The following NELL1 variants were observed in gnomAD, a reference collection of about 807,000 sequenced individuals.
The protein encoded by NELL1 is protein kinase C-binding protein NELL1.
Under a neutral mutation model 107.4 loss-of-function variants are expected in NELL1, and 76 were observed. The ratio of observed to expected loss-of-function variants is 0.71; its 90% CI spans 0.59 to 0.86. The LOEUF is 0.86. Among genes scored for constraint, NELL1 ranks in the 40% least tolerant of loss-of-function variants. The pLI, the probability that NELL1 is intolerant of heterozygous loss-of-function variation, is 0.00. For synonymous variants in NELL1, 353 were observed against 341.2 expected, an observed-to-expected ratio of 1.03 and a Z score of -0.38; for missense variants, 1,024 against 1,005.5, an observed-to-expected ratio of 1.02 and a Z score of -0.25.
intron 16 of NELL1, among the ~76,000 whole-genome samples, chr11:21,547,152 T>C (rs1856463117): frequency 6.6e-6 from 1 of 151,364 alleles, no homozygotes; most frequent in African/African-American, 2.4e-5. Context: ...TCTCATGGAG[T>C]GGGGATATTT....
At chr11:20,795,271 TAAAACGAAACAG>T (rs1041968177) in intron 3 of NELL1, among the ~76,000 whole-genome samples, 6 of 152,300 alleles carry the variant, frequency 3.9e-5, no homozygotes, top group African/African-American at 1.4e-4. Flanking sequence ...AGTGGGCAGA[TAAAACGAAACAG>T]AAAACTGAAA....
At chr11:21,196,522 C>T (rs571360266) in intron 13 of NELL1, among the ~76,000 whole-genome samples, 6 of 152,130 alleles carry the variant, frequency 3.9e-5, no homozygotes, top group African/African-American at 1.4e-4. Context: ...CCAGGATAAT[C>T]GTATGGTTTA....
At chr11:21,003,932 G>T (rs1418582052) in intron 12 of NELL1, among the ~76,000 whole-genome samples, 2 of 152,010 alleles carry the variant, frequency 1.3e-5, no homozygotes, top group African/African-American at 2.4e-5. Flanking sequence ...TATTCTTCTA[G>T]ATAATTGTGG....
At chr11:21,565,663 C>CA (rs1856954196) in intron 17 of NELL1, among the ~76,000 whole-genome samples, 2 of 151,876 alleles carry the variant, frequency 1.3e-5, no homozygotes, top group South Asian at 4.1e-4. Flanking sequence ...CCTCACGATA[C>CA]AAAAGGTGCA....
chr11:21,089,433 A>G (rs1854472172), intron 12 of NELL1, among the ~76,000 whole-genome samples: 1 of 152,224 alleles, frequency 6.6e-6, no homozygotes, highest in African/African-American at 2.4e-5. Context: ...CCTGTGGTGC[A>G]TGTCTTCTCT....
intron 2 of NELL1, among the ~76,000 whole-genome samples, chr11:20,701,403 A>T (rs1485753284): frequency 6.6e-6 from 1 of 152,132 alleles, no homozygotes; most frequent in East Asian, 1.9e-4. Flanking sequence ...TAGATTCTGG[A>T]TATTAGCCCT....
intron 15 of NELL1, among the ~76,000 whole-genome samples, chr11:21,419,836 C>T (rs1852616272): frequency 1.3e-5 from 2 of 152,124 alleles, no homozygotes; most frequent in African/African-American, 2.4e-5. Context: ...TCATGAAGTA[C>T]AGATCATATC....
At chr11:21,064,981 T>C (rs1853833048) in intron 12 of NELL1, among the ~76,000 whole-genome samples, 1 of 152,206 alleles carries the variant, frequency 6.6e-6, no homozygotes, top group Non-Finnish European at 1.5e-5. Flanking sequence ...TTTTACAATT[T>C]GTAATTTTTA....
At chr11:21,070,015 A>C in intron 12 of NELL1, among the ~76,000 whole-genome samples, 1 of 152,222 alleles carries the variant, frequency 6.6e-6, no homozygotes, top group Admixed American at 6.5e-5. Context: ...TGATGCTGTC[A>C]GGAACCATGT....
At chr11:20,681,807 GCCTGTTGGA>G (rs1854196054) in intron 2 of NELL1, among the ~76,000 whole-genome samples, 1 of 152,022 alleles carries the variant, frequency 6.6e-6, no homozygotes, top group African/African-American at 2.4e-5. Flanking sequence ...TCAGTTCATT[GCCTGTTGGA>G]GCTTCCAGAA....
At chr11:21,413,450 A>T (rs1383753922) in intron 15 of NELL1, among the ~76,000 whole-genome samples, 1 of 152,094 alleles carries the variant, frequency 6.6e-6, no homozygotes, top group Admixed American at 6.6e-5. Flanking sequence ...TTGAAAAAAA[A>T]GTGTGGCTGC....
chr11:21,076,135 T>C (rs991501949), intron 12 of NELL1, among the ~76,000 whole-genome samples: 7 of 149,242 alleles, frequency 4.7e-5, no homozygotes, highest in Non-Finnish European at 1.1e-4. Context: ...TTATTCTCTG[T>C]ATGTGATTGG....
At chr11:20,942,409 A>C (rs1347548635) in intron 10 of NELL1, among the ~76,000 whole-genome samples, 1 of 152,102 alleles carries the variant, frequency 6.6e-6, no homozygotes, top group Non-Finnish European at 1.5e-5. Context: ...AGGGGCAAGG[A>C]TGGTGTGACA....
At chr11:21,486,478 C>G (rs916596651) in intron 15 of NELL1, among the ~76,000 whole-genome samples, 2 of 152,124 alleles carry the variant, frequency 1.3e-5, no homozygotes, top group South Asian at 2.1e-4. Context: ...CAGCAAAAAG[C>G]CTTCTCCTAT....
intron 15 of NELL1, among the ~76,000 whole-genome samples, chr11:21,483,988 AACATAT>A (rs1854558510): frequency 1.5e-5 from 1 of 66,422 alleles, no homozygotes; most frequent in Admixed American, 1.7e-4. Flanking sequence ...TATTTTACTT[AACATAT>A]ATATATATAT....
At chr11:21,342,146 A>G (rs1850580914) in intron 14 of NELL1, among the ~76,000 whole-genome samples, 1 of 152,190 alleles carries the variant, frequency 6.6e-6, no homozygotes, top group Non-Finnish European at 1.5e-5. Flanking sequence ...CATCTGTTGA[A>G]TGATAAAACC....
chr11:21,450,489 T>A, intron 15 of NELL1, among the ~76,000 whole-genome samples: 1 of 152,256 alleles, frequency 6.6e-6, no homozygotes, highest in East Asian at 1.9e-4. Flanking sequence ...TAACGTTGTA[T>A]AATTGATACG....
intron 15 of NELL1, among the ~76,000 whole-genome samples, chr11:21,426,569 G>T (rs1046487346): frequency 2.0e-5 from 3 of 152,054 alleles, no homozygotes; most frequent in Admixed American, 2.0e-4. Context: ...TACCTTCAAA[G>T]CTTCAATGTA....
chr11:21,335,624 G>C (rs1195807613), intron 14 of NELL1, among the ~76,000 whole-genome samples: 1 of 151,984 alleles, frequency 6.6e-6, no homozygotes, highest in Middle Eastern at 3.2e-3. Flanking sequence ...CCACTGTCAG[G>C]GCATCTGGGA....
Sources: allele counts gnomAD v4.1 joint callset (sites outside exome capture counted in the v4.1 genomes callset), GRCh38; gene constraint gnomAD v4.1.1; transcripts MANE v1.5; gene names NCBI Gene and HGNC (gene_info 2026-07-23, HGNC 2026-07-21).